DKK3: variants seen among roughly 807,000 people sequenced by gnomAD.
DKK3 encodes the protein dickkopf Wnt signaling pathway inhibitor 3, also known as dickkopf-related protein 3.
Under a neutral mutation model 33.2 loss-of-function variants are expected in DKK3, and 22 were observed. The observed-to-expected ratio is 0.66, with a 90% CI of 0.47 to 0.95. The LOEUF (loss-of-function observed/expected upper bound fraction) is 0.95, where lower values mean the gene tolerates loss of function less well. DKK3 is among the 40% of genes least tolerant of loss of function. DKK3 has a pLI of 0.00. For missense variants in DKK3, 398 were observed against 458.4 expected, an observed-to-expected ratio of 0.87 and a Z score of 1.20; for synonymous variants, 194 against 188.8, an observed-to-expected ratio of 1.03 and a Z score of -0.23.
chr11:12,003,374 C>T (rs1479331473), intron 1 of DKK3, among the ~76,000 whole-genome samples: 4 of 152,158 alleles, frequency 2.6e-5, no homozygotes, highest in Non-Finnish European at 5.9e-5. Flanking sequence ...TTCCCGGGGT[C>T]CACACCCCTT....
At chr11:11,966,899 A>T in intron 5 of DKK3, 55 bp downstream of exon 5, 1 of 1,595,126 alleles carries the variant, frequency 6.3e-7, no homozygotes, top group Non-Finnish European at 8.5e-7. Flanking sequence ...CAGGAGGTCC[A>T]GTGTGGTGGA....
At chr11:11,993,358 T>C (rs1038375292) in intron 3 of DKK3, among the ~76,000 whole-genome samples, 2 of 151,838 alleles carry the variant, frequency 1.3e-5, no homozygotes, top group Admixed American at 6.6e-5. Flanking sequence ...ACTTTAAATA[T>C]TATATATACT....
chr11:11,968,526 G>A, intron 3 of DKK3, 39 bp from the exon 4 acceptor site: 1 of 1,582,542 alleles, frequency 6.3e-7, no homozygotes, highest in Non-Finnish European at 8.6e-7. Flanking sequence ...TCAATGGAGA[G>A]CAGAGCAGCA....
intron 3 of DKK3, among the ~76,000 whole-genome samples, chr11:11,980,883 T>C (rs941329048): frequency 2.0e-5 from 3 of 152,180 alleles, no homozygotes; most frequent in Non-Finnish European, 4.4e-5. Flanking sequence ...AGGCGACCCA[T>C]GGCTGGTTGG....
intron 1 of DKK3, among the ~76,000 whole-genome samples, chr11:12,007,692 G>A (rs74732672): frequency 0.019 from 2,949 of 152,312 alleles, 84 homozygotes; most frequent in African/African-American, 0.067. Context: ...TGAGGTGCAG[G>A]ATATTAAGTG....
chr11:11,997,463 G>A (rs72859311), intron 3 of DKK3, among the ~76,000 whole-genome samples: 11,714 of 152,214 alleles, frequency 0.077, 548 homozygotes, highest in Non-Finnish European at 0.1. Flanking sequence ...TTGGAAGCTG[G>A]CCTCTCTTCC....
intron 5 of DKK3, among the ~76,000 whole-genome samples, chr11:11,966,614 C>T (rs1358277626): frequency 1.3e-5 from 2 of 151,892 alleles, no homozygotes; most frequent in South Asian, 2.1e-4. Flanking sequence ...AGAGGCAGGA[C>T]GGAAGATGGG....
chr11:11,998,920 T>C, intron 2 of DKK3, 141 bp from the exon 3 acceptor site: 1 of 700,966 alleles, frequency 1.4e-6, no homozygotes, highest in Admixed American at 2.4e-5. Flanking sequence ...GCTTTCTTTC[T>C]GAGTTCCCCC....
chr11:12,003,537 C>T (rs1170646950), intron 1 of DKK3, among the ~76,000 whole-genome samples: 1 of 152,158 alleles, frequency 6.6e-6, no homozygotes, highest in Non-Finnish European at 1.5e-5. Context: ...ATTTATCACC[C>T]TGTCCTGGCC....
intron 3 of DKK3, among the ~76,000 whole-genome samples, chr11:11,996,020 AG>A (rs1311019634): frequency 6.6e-6 from 1 of 152,228 alleles, no homozygotes; most frequent in African/African-American, 2.4e-5. Context: ...ATTTGAAGAA[AG>A]GAAAGTATAG....
chr11:12,003,747 T>TAA (rs67334199), intron 1 of DKK3, among the ~76,000 whole-genome samples: 3 of 150,452 alleles, frequency 2.0e-5, no homozygotes, highest in Non-Finnish European at 4.4e-5. Context: ...TTTTTTTTTT[T>TAA]AAAAAAAGAA....
At chr11:11,999,898 G>C (rs1262064533) in intron 2 of DKK3, among the ~76,000 whole-genome samples, 1 of 152,182 alleles carries the variant, frequency 6.6e-6, no homozygotes, top group Non-Finnish European at 1.5e-5. Flanking sequence ...TCAAATTCTA[G>C]TTCTGAGAAG....
In DKK3 at chr11:11,972,660, G is replaced by A. The variant is rs140381196; in HGVS notation, c.436-4173C>T. The stretch of plus-strand genomic sequence containing the variant: ...TAGTAGAACTGAGTGGGTGGGTGGA[G>A]AGGACATGTGTCAGTGCCCTCCAAG... On this transcript the variant is annotated intron_variant, in intron 3 of 6. Coordinates refer to ENST00000683431, the MANE Select transcript of DKK3 (RefSeq NM_001018057.2). Among the ~76,000 whole-genome samples the A allele has an allele frequency of 1.1e-4, 17 of 152,364 alleles. No individual in the cohort carries two copies. In the East Asian group the frequency reaches 2.9e-3, roughly 26 times the overall value.
At chr11:11,997,616 A>T (rs973073469) in intron 3 of DKK3, among the ~76,000 whole-genome samples, 31 of 151,356 alleles carry the variant, frequency 2.0e-4, no homozygotes, top group Non-Finnish European at 4.1e-4. Context: ...GGGCTTCTAG[A>T]CTCCACAGCC....
chr11:11,968,836 A>C, intron 3 of DKK3: 3 of 172,966 alleles, frequency 1.7e-5, no homozygotes, highest in East Asian at 1.6e-4. Flanking sequence ...AAAAGTGCTA[A>C]TGAGGTCCAG....
intron 1 of DKK3, among the ~76,000 whole-genome samples, chr11:12,002,737 C>A (rs1271997279): frequency 6.6e-6 from 1 of 152,122 alleles, no homozygotes; most frequent in Non-Finnish European, 1.5e-5. Context: ...AAGGGTGGAG[C>A]TGGGATTTGA....
At chr11:11,988,768 C>T (rs1848125598) in intron 3 of DKK3, among the ~76,000 whole-genome samples, 1 of 152,152 alleles carries the variant, frequency 6.6e-6, no homozygotes, top group Non-Finnish European at 1.5e-5. Context: ...CTCTGGATCC[C>T]CACAATCTCC....
intron 5 of DKK3, among the ~76,000 whole-genome samples, chr11:11,966,632 G>A (rs926904109): frequency 6.6e-6 from 1 of 152,146 alleles, no homozygotes; most frequent in East Asian, 1.9e-4. Flanking sequence ...GGGAGTGGAA[G>A]CGGGTGATTC....
intron 3 of DKK3, among the ~76,000 whole-genome samples, chr11:11,975,599 C>T (rs1457513962): frequency 2.0e-5 from 3 of 152,190 alleles, no homozygotes; most frequent in Non-Finnish European, 4.4e-5. Flanking sequence ...TTGGCCCAGG[C>T]ACCCTCCTGA....
Sources: allele counts gnomAD v4.1 joint callset (sites outside exome capture counted in the v4.1 genomes callset), GRCh38; gene constraint gnomAD v4.1.1; transcripts MANE v1.5; gene names NCBI Gene and HGNC (gene_info 2026-07-23, HGNC 2026-07-21).